The following MYO9A variants were observed in gnomAD, a reference collection of about 807,000 sequenced individuals.
The protein encoded by MYO9A is unconventional myosin-IXa.
Under a neutral mutation model 293.3 loss-of-function variants are expected in MYO9A, and 103 were observed. The observed-to-expected ratio is 0.35, with a 90% CI of 0.30 to 0.41. MYO9A has a LOEUF of 0.41. MYO9A is among the 10% of genes least tolerant of loss of function. MYO9A has a pLI of 1.00. For missense variants in MYO9A, 2,685 were observed against 3,033.0 expected (o/e 0.89, Z 2.69); for synonymous variants, 1,001 against 1,035.7 (o/e 0.97, Z 0.64).
chr15:72,088,755 T>C (rs1041706846), intron 1 of MYO9A, among the ~76,000 whole-genome samples: 22 of 152,244 alleles, frequency 1.4e-4, no homozygotes, highest in African/African-American at 5.3e-4. Flanking sequence ...TATTTTGTTC[T>C]GACTGACAGA....
chr15:71,915,073 T>C (rs758576145), intron 19 of MYO9A, among the ~76,000 whole-genome samples: 1 of 152,170 alleles, frequency 6.6e-6, no homozygotes, highest in South Asian at 2.1e-4. Flanking sequence ...GAAAAAAATA[T>C]GCTAATAAAC....
chr15:71,829,317 C>T (rs575884020), intron 40 of MYO9A, among the ~76,000 whole-genome samples: 11 of 152,164 alleles, frequency 7.2e-5, no homozygotes, highest in African/African-American at 2.7e-4. Flanking sequence ...AGTCTTATAT[C>T]CCCTTATAAA....
intron 15 of MYO9A, among the ~76,000 whole-genome samples, chr15:71,948,391 A>G (rs2058970892): frequency 6.6e-6 from 1 of 152,176 alleles, no homozygotes; most frequent in Non-Finnish European, 1.5e-5. Context: ...TTTTTGTATG[A>G]CCTATGACCT....
In MYO9A at chr15:72,103,795, T is replaced by C. The variant is rs903822477; in HGVS notation, c.-72+13885A>G. Among the ~76,000 whole-genome samples, 6 of 152,324 alleles carry C rather than the reference T, an allele frequency of 3.9e-5. No individual in the cohort carries two copies. The South Asian group carries it at 1.2e-3, about 32-fold the overall frequency. The stretch of plus-strand genomic sequence containing the variant: ...ACTATATTGTTTAAGGATGTATAGC[T>C]AGGACTTAAAATTATGAAGCAAAGC... On this transcript the variant is annotated intron_variant, in intron 1 of 41. Transcript: ENST00000356056.
chr15:72,101,774 G>A (rs1182230566), intron 1 of MYO9A, among the ~76,000 whole-genome samples: 2 of 142,452 alleles, frequency 1.4e-5, no homozygotes, highest in Admixed American at 7.0e-5. Flanking sequence ...TGGGAAGTGA[G>A]GAGCCCCTCT....
intron 13 of MYO9A, among the ~76,000 whole-genome samples, chr15:71,964,027 T>C (rs903256998): frequency 1.3e-5 from 2 of 152,218 alleles, no homozygotes; most frequent in Non-Finnish European, 2.9e-5. Context: ...TGTTTTTTAA[T>C]GGAATTTATC....
At chr15:72,086,226 C>A (rs2079721226) in intron 1 of MYO9A, among the ~76,000 whole-genome samples, 1 of 152,184 alleles carries the variant, frequency 6.6e-6, no homozygotes, top group East Asian at 1.9e-4. Context: ...GTACAGGCAG[C>A]ATGGCTTAAG....
chr15:72,108,462 A>C (rs1250147175), intron 1 of MYO9A, among the ~76,000 whole-genome samples: 1 of 152,202 alleles, frequency 6.6e-6, no homozygotes, highest in Non-Finnish European at 1.5e-5. Context: ...GCCATTCTAC[A>C]AGATGATTGG....
intron 30 of MYO9A, among the ~76,000 whole-genome samples, chr15:71,878,785 C>A (rs1259091360): frequency 7.7e-6 from 1 of 129,190 alleles, no homozygotes; most frequent in South Asian, 2.5e-4. Context: ...CTTGCTCTGT[C>A]ACCCAGGCTG....
At chr15:71,893,346 T>A in intron 26 of MYO9A, 1 of 440,486 alleles carries the variant, frequency 2.3e-6, no homozygotes, top group Non-Finnish European at 3.9e-6. Flanking sequence ...CCAAAAGGAA[T>A]CTGTATACAT....
chr15:71,852,250 A>G lies in MYO9A; in HGVS notation c.6357T>C (p.Ser2119=). The change falls in exon 36 of 42, where the codon AGT becomes AGC. Residue 2119 remains serine (S), a synonymous_variant. Coordinates refer to ENST00000356056, the MANE Select transcript of MYO9A (RefSeq NM_006901.4). ...LRQGLDTDAE[S]VNLDDYNIHV... ...GTATGTTATAGTCATCTAGATTTAC[A>G]CTCTCAGCATCTATTTAGAGACAAG... 2 of 1,609,426 alleles carry G rather than the reference A, an allele frequency of 1.2e-6. No homozygotes were observed. Among genetic ancestry groups the G allele is most frequent in the Middle Eastern group, 1.7e-4 (1 of 6,044 alleles).
chr15:71,840,959 C>G (rs1202642607), intron 39 of MYO9A, among the ~76,000 whole-genome samples: 1 of 152,160 alleles, frequency 6.6e-6, no homozygotes, highest in Non-Finnish European at 1.5e-5. Context: ...AAATCTTTTA[C>G]ATTTCTTGTT....
intron 1 of MYO9A, among the ~76,000 whole-genome samples, chr15:72,103,647 C>CAGA (rs58828099): frequency 0.95 from 142,875 of 149,958 alleles, 68,530 homozygotes; most frequent in South Asian, 1. Flanking sequence ...ACAGAAGAAG[C>CAGA]AGAAGTAACA....
chr15:71,980,117 A>C (rs1218360403), intron 11 of MYO9A, among the ~76,000 whole-genome samples: 2 of 152,130 alleles, frequency 1.3e-5, no homozygotes, highest in Non-Finnish European at 2.9e-5. Flanking sequence ...CAACACTGGG[A>C]TTATAGGCAC....
chr15:72,002,704 T>G (rs1311608464), intron 8 of MYO9A, among the ~76,000 whole-genome samples: 3 of 152,052 alleles, frequency 2.0e-5, no homozygotes, highest in African/African-American at 7.2e-5. Flanking sequence ...ACTGAAAATA[T>G]AGAAACAAGA....
intron 1 of MYO9A, among the ~76,000 whole-genome samples, chr15:72,079,081 A>G (rs1429285448): frequency 2.6e-5 from 4 of 152,230 alleles, no homozygotes. Context: ...CACAGGATGT[A>G]GGACACAGAG....
intron 39 of MYO9A, among the ~76,000 whole-genome samples, chr15:71,833,127 G>A (rs2140718914): frequency 6.6e-6 from 1 of 151,972 alleles, no homozygotes; most frequent in East Asian, 1.9e-4. Context: ...AAAAACAGTA[G>A]ATTTTAAGCC....
intron 16 of MYO9A, among the ~76,000 whole-genome samples, chr15:71,936,365 C>T (rs536975967): frequency 2.0e-5 from 3 of 152,016 alleles, no homozygotes; most frequent in East Asian, 1.9e-4. Flanking sequence ...TCAATGGGTA[C>T]GAAGTTACAG....
At chr15:71,974,612 A>C (rs2076091700) in intron 12 of MYO9A, among the ~76,000 whole-genome samples, 1 of 152,386 alleles carries the variant, frequency 6.6e-6, no homozygotes, top group East Asian at 1.9e-4. Flanking sequence ...GATGATTTCT[A>C]AGCAAGAAAC....
Sources: allele counts gnomAD v4.1 joint callset (sites outside exome capture counted in the v4.1 genomes callset), GRCh38; gene constraint gnomAD v4.1.1; transcripts MANE v1.5; gene names NCBI Gene and HGNC (gene_info 2026-07-23, HGNC 2026-07-21).